Variants in URB1 observed in about 807,000 individuals in gnomAD.
URB1 encodes the protein URB1 ribosome biogenesis factor.
URB1 carries 197 observed loss-of-function variants against 242.3 expected under a neutral mutation model. The observed-to-expected ratio is 0.81, with a 90% confidence interval of 0.72 to 0.91. The LOEUF is 0.91. Ranked by LOEUF, URB1 falls within the 40% of genes least tolerant of loss-of-function variation. URB1 has a pLI of 0.00. For synonymous variants in URB1, 1,153 were observed against 1,201.8 expected, an observed-to-expected ratio of 0.96 and a Z score of 0.84; for missense variants, 2,721 against 2,860.5, an observed-to-expected ratio of 0.95 and a Z score of 1.11.
At chr21:32,359,694 T>C in intron 14 of URB1, 102 bp downstream of exon 14, 1 of 1,007,090 alleles carries the variant, frequency 9.9e-7, no homozygotes, top group Non-Finnish European at 1.4e-6. Context: ...TCTTCCGTCT[T>C]GCCCCGTCAG....
rs939161078 is a variant in URB1 at position 32,349,356 on chromosome 21, T to C, written c.2960A>G (p.Asp987Gly). 1.9e-6 allele frequency: 3 copies of C among 1,551,026 alleles called. No individual in the cohort carries two copies. In the African/African-American group the frequency reaches 4.1e-5, roughly 21 times the overall value. ...CACGGACTCCATGTCCAGGAAGAGGTCGGCTTCGGCCCGGGCGGCCTCGCA... is the reference window on the plus strand; with the variant it reads ...CACGGACTCCATGTCCAGGAAGAGGCCGGCTTCGGCCCGGGCGGCCTCGCA... The part of the protein sequence containing the change: ...QRCEAARAEA[D>G]LFLDMESVAS... Residue 987 changes from aspartate (D) to glycine (G), a missense_variant, in exon 21 of 39, where the codon GAC (aspartate) becomes GGC (glycine). Physicochemically the swap from Asp to Gly is moderately conservative, Grantham distance 94 (BLOSUM62 -1). Coordinates refer to ENST00000382751, the MANE Select transcript of URB1 (RefSeq NM_014825.3).
chr21:32,344,244 G>A (rs923779980), intron 24 of URB1, among the ~76,000 whole-genome samples: 3 of 152,168 alleles, frequency 2.0e-5, no homozygotes, highest in African/African-American at 7.2e-5. Context: ...GGAATGCAAG[G>A]TTGGTTTAAC....
At position 32,361,047 on chromosome 21, in the gene URB1, C is replaced by A. The variant is rs745475942; in HGVS notation, c.1716G>T (p.Val572=). The A allele has an allele frequency of 1.3e-5, 20 of 1,551,042 alleles. No individual in the cohort carries two copies. The South Asian group carries it at 2.0e-4, about 16-fold the overall frequency. Residue 572 remains valine, a synonymous_variant, in exon 13 of 39, where the codon GTG becomes GTT. Coordinates refer to ENST00000382751, the MANE Select transcript of URB1 (RefSeq NM_014825.3). ...ICLYQKVVPH[V]VMQYNFDFSK... ...TGAAGTCAAAGTTGTACTGCATGAC[C>A]ACGTGGGGGACCACCTTCTGGTAGA... is the stretch of plus-strand genomic sequence containing the variant.
At chr21:32,391,335 T>A (rs1437941271) in intron 1 of URB1, among the ~76,000 whole-genome samples, 1 of 151,884 alleles carries the variant, frequency 6.6e-6, no homozygotes, top group Non-Finnish European at 1.5e-5. Flanking sequence ...AAGGGGCACG[T>A]TGTGCACATG....
rs2032691930 is a variant in URB1 at position 32,316,675 on chromosome 21, T to C, written c.6425A>G (p.Asp2142Gly). ...GAATATGCTGCTCCTCACGGCACTG[T>C]CCTTAAGGAGGTCAGCCACGACCAC... is the stretch of plus-strand genomic sequence containing the variant. ...HPVVVADLLKDSAVRSSIFRL... is the reference protein window; with the variant it reads ...HPVVVADLLKGSAVRSSIFRL... Residue 2142 changes from aspartate to glycine, a missense_variant, in exon 38 of 39, where the codon GAC (aspartate) becomes GGC (glycine). Physicochemically the swap from Asp to Gly is moderately conservative, Grantham distance 94. Transcript: ENST00000382751. The C allele has an allele frequency of 6.4e-7, 1 of 1,551,376 alleles. No individual in the cohort carries two copies. The highest frequency in any genetic ancestry group is 2.0e-5 in the Admixed American group (1 of 50,996).
chr21:32,388,330 C>G (rs571278528), intron 1 of URB1, among the ~76,000 whole-genome samples: 1 of 152,324 alleles, frequency 6.6e-6, no homozygotes, highest in East Asian at 1.9e-4. Context: ...CAGCATCACA[C>G]TTAGGTCAAG....
At chr21:32,315,166 C>G (rs1387026760) in intron 38 of URB1, 67 bp from the exon 39 acceptor site, 2 of 1,413,246 alleles carry the variant, frequency 1.4e-6, no homozygotes, top group Admixed American at 2.9e-5. Flanking sequence ...GGTCATCCTG[C>G]CCACAATGCA....
At chr21:32,315,487 TAG>T (rs1271548819) in intron 38 of URB1, among the ~76,000 whole-genome samples, 1 of 152,052 alleles carries the variant, frequency 6.6e-6, no homozygotes, top group African/African-American at 2.4e-5. Context: ...CTAATTTTTG[TAG>T]AGACAGGGTT....
chr21:32,312,720 G>A lies in URB1; in HGVS notation c.*2198C>T, dbSNP rs762325275. The A allele has an allele frequency of 3.2e-5, 5 of 154,006 alleles. No homozygotes were observed. Among genetic ancestry groups the A allele is most frequent in the Non-Finnish European group, 7.2e-5 (5 of 69,224 alleles). 9.5% of individuals were successfully genotyped at this position (154,006 alleles called of 1,614,324 possible). On this transcript the variant is annotated 3_prime_UTR_variant, in exon 39 of 39. Transcript: ENST00000382751. Reference sequence around the variant, plus strand: ...CCCTTGAAAGATCTAGTCCTCTAGTGCCCAGCAGCCTTGTCCCTGGAGAGG... The same window carrying A: ...CCCTTGAAAGATCTAGTCCTCTAGTACCCAGCAGCCTTGTCCCTGGAGAGG...
intron 10 of URB1, among the ~76,000 whole-genome samples, chr21:32,364,803 A>AC (rs397726063): frequency 7.2e-5 from 11 of 151,982 alleles, no homozygotes; most frequent in Admixed American, 1.3e-4. Context: ...ACAAAAAAAA[A>AC]CAAACATCAT....
In URB1 at chr21:32,355,463, G is replaced by A; in HGVS notation, c.2092C>T (p.Gln698Ter). 5 of 1,551,790 alleles carry A rather than the reference G, an allele frequency of 3.2e-6. No individual in the cohort carries two copies. Among genetic ancestry groups the A allele is most frequent in the Non-Finnish European group, 4.4e-6 (5 of 1,146,946 alleles). ...TATGTGCTTACGCGTTCCAGAAACT[G>A]AATCACAGTCTCTTTGTCCTCTTCC... is the stretch of plus-strand genomic sequence containing the variant. ...TMEEDKETVI[Q>*]FLERILLTLV... The change falls in exon 16 of 39, where the codon CAG (glutamine) becomes TAG (stop). Residue 698 changes from glutamine to a stop codon, truncating the protein, a stop_gained. Coordinates refer to ENST00000382751, the MANE Select transcript of URB1 (RefSeq NM_014825.3). LOFTEE classifies it high-confidence loss of function.
Position 32,319,260 on chromosome 21 carries a change from T to A in URB1, c.5749A>T (p.Asn1917Tyr). The A allele has an allele frequency of 6.4e-7, 1 of 1,551,238 alleles. No individual in the cohort carries two copies. The highest frequency in any genetic ancestry group is 1.2e-5 in the South Asian group (1 of 83,976). Residue 1917 changes from asparagine (N) to tyrosine (Y), a missense_variant, in exon 36 of 39, where the codon AAT becomes TAT. Coordinates refer to ENST00000382751, the MANE Select transcript of URB1 (RefSeq NM_014825.3). ...ACGATGAGAACATAAAGGAACTCAT[T>A]GACCAGGTGCAGGGCAAGCCGCTTG... ...PAKRLALHLV[N>Y]EFLYVLIVLM...
intron 1 of URB1, among the ~76,000 whole-genome samples, chr21:32,391,865 A>C (rs966582290): frequency 1.3e-5 from 2 of 151,750 alleles, no homozygotes; most frequent in Non-Finnish European, 2.9e-5. Context: ...GTAAAAAAAA[A>C]AAAAAAAACA....
intron 30 of URB1, among the ~76,000 whole-genome samples, chr21:32,326,342 A>C (rs1321380545): frequency 6.6e-6 from 1 of 152,276 alleles, no homozygotes; most frequent in Non-Finnish European, 1.5e-5. Context: ...CCAAATGAGT[A>C]ATCATGGAAT....
At chr21:32,315,356 C>T (rs1196696454) in intron 38 of URB1, among the ~76,000 whole-genome samples, 1 of 151,378 alleles carries the variant, frequency 6.6e-6, no homozygotes, top group African/African-American at 2.4e-5. Context: ...CTCTGTCACC[C>T]AGACTGGAGT....
At chr21:32,366,497 C>T (rs532595626) in intron 10 of URB1, 121 bp downstream of exon 10, 28 of 1,395,790 alleles carry the variant, frequency 2.0e-5, no homozygotes, top group East Asian at 2.5e-5. Flanking sequence ...TGGAAGCCTC[C>T]GAGGCCCCCT....
In URB1 at chr21:32,314,802, T is replaced by C. The variant is rs778035310; in HGVS notation, c.*116A>G. The C allele has an allele frequency of 1.8e-5, 26 of 1,463,434 alleles. No individual in the cohort carries two copies. The highest frequency in any genetic ancestry group is 2.8e-5 in the African/African-American group (2 of 70,846). 90.7% of individuals were successfully genotyped at this position (1,463,434 alleles called of 1,614,324 possible). A position where few individuals can be genotyped will look rare whatever the true frequency, so the allele number is the denominator to read the frequency against. On this transcript the variant is annotated 3_prime_UTR_variant, in exon 39 of 39. Transcript: ENST00000382751. Reference sequence around the variant, plus strand: ...TTGTCAAAGAACTGAGCCAATGTACTGAACCTGTTGTTTCCCATGCCTTCT... The same window carrying C: ...TTGTCAAAGAACTGAGCCAATGTACCGAACCTGTTGTTTCCCATGCCTTCT...
At chr21:32,388,927 G>A (rs779315173) in intron 1 of URB1, among the ~76,000 whole-genome samples, 9 of 152,178 alleles carry the variant, frequency 5.9e-5, no homozygotes, top group Non-Finnish European at 1.3e-4. Context: ...GAGACGTGCT[G>A]ATGAGCAAAT....
chr21:32,341,424 A>T (rs2033027819), intron 25 of URB1, 42 bp downstream of exon 25: 1 of 1,541,318 alleles, frequency 6.5e-7, no homozygotes, highest in South Asian at 1.2e-5. Context: ...AACGACATTC[A>T]CACCTTTACC....
Sources: allele counts gnomAD v4.1 joint callset (sites outside exome capture counted in the v4.1 genomes callset), GRCh38; gene constraint gnomAD v4.1.1; transcripts MANE v1.5; gene names NCBI Gene and HGNC (gene_info 2026-07-23, HGNC 2026-07-21).